Variants in ZMIZ1 observed in about 807,000 individuals in gnomAD.
ZMIZ1 encodes zinc finger MIZ-type containing 1.
A neutral mutation model predicts 113.9 loss-of-function variants in ZMIZ1; 17 were observed. The observed-to-expected ratio is 0.15, with a 90% CI of 0.10 to 0.22. The LOEUF (loss-of-function observed/expected upper bound fraction) is 0.22, where lower values mean the gene tolerates loss of function less well. Ranked by LOEUF, ZMIZ1 falls within the 10% of genes least tolerant of loss-of-function variation. The probability of loss-of-function intolerance (pLI) is 1.00; values close to 1 mark genes in which losing one functional copy is unlikely to be tolerated. For synonymous variants in ZMIZ1, 607 were observed against 603.1 expected, an observed-to-expected ratio of 1.01 and a Z score of -0.09; for missense variants, 1,059 against 1,477.8, an observed-to-expected ratio of 0.72 and a Z score of 4.65.
rs1421489711 is a variant in ZMIZ1, at chr10:79,124,975, C to T, written c.-227+5951C>T. Among the ~76,000 whole-genome samples, 4 of 152,316 alleles carry T rather than the reference C, an allele frequency of 2.6e-5. No individual in the cohort carries two copies. In the East Asian group the frequency reaches 7.7e-4, roughly 29 times the overall value. On this transcript the variant is annotated intron_variant, in intron 2 of 24. Transcript: ENST00000334512. ...AGGAGGGCTGGCCTCAGCTTGCAAG[C>T]TAGGGCAAGGGTGAGGTGTGGTCCA...
In ZMIZ1 at chr10:79,285,093, G is replaced by A. The variant is rs368167435; in HGVS notation, c.426-4682G>A. On this transcript the variant is annotated intron_variant, in intron 8 of 24. Transcript: ENST00000334512. The stretch of plus-strand genomic sequence containing the variant: ...TTGCCTCGTGGCCATCTCTGGAGAG[G>A]GGAGCGTTGCCTTGCTGGATCCTAA... 2.5e-3 allele frequency among the ~76,000 whole-genome samples: 387 copies of A among 152,296 alleles called. 2 individuals are homozygous for A. The highest frequency in any genetic ancestry group is 6.9e-3 in the Admixed American group (106 of 15,304).
At chr10:79,270,078 C>G (rs1564568145) in intron 7 of ZMIZ1, among the ~76,000 whole-genome samples, 1 of 152,232 alleles carries the variant, frequency 6.6e-6, no homozygotes, top group Non-Finnish European at 1.5e-5. Flanking sequence ...GCTACAGGTA[C>G]AGGGGCAAAT....
At chr10:79,161,574 C>T (rs1429024572) in intron 3 of ZMIZ1, among the ~76,000 whole-genome samples, 1 of 152,184 alleles carries the variant, frequency 6.6e-6, no homozygotes, top group Non-Finnish European at 1.5e-5. Flanking sequence ...AGAGAGGCCA[C>T]CTGGGACCTT....
chr10:79,221,363 GGCCCTGGACGCCCA>G (rs1245502322), intron 7 of ZMIZ1, among the ~76,000 whole-genome samples: 2 of 152,196 alleles, frequency 1.3e-5, no homozygotes, highest in African/African-American at 4.8e-5. Flanking sequence ...GGCTCCACGC[GGCCCTGGACGCCCA>G]GCCCCCAGCT....
intron 18 of ZMIZ1, among the ~76,000 whole-genome samples, chr10:79,303,010 C>G (rs947589019): frequency 6.6e-6 from 1 of 151,932 alleles, no homozygotes. Flanking sequence ...TACAGGCGCC[C>G]ACCACCGCAC....
At position 79,293,445 on chromosome 10, in the gene ZMIZ1, C is replaced by T; in HGVS notation, c.1022C>T (p.Ser341Phe). 1 of 1,539,304 alleles carries T rather than the reference C, an allele frequency of 6.5e-7. No homozygotes were observed. The highest frequency in any genetic ancestry group is 8.7e-7 in the Non-Finnish European group (1 of 1,142,930). The change falls in exon 12 of 25, where the codon TCC (serine) becomes TTC (phenylalanine). Residue 341 changes from serine to phenylalanine, a missense_variant. Coordinates refer to ENST00000334512, the MANE Select transcript of ZMIZ1 (RefSeq NM_020338.4). ...CAGCCCGGGCCGCGGGGGCCTGCCTCCATGGGGGGCAGCATGAACCCCGCG... is the reference window on the plus strand; with the variant it reads ...CAGCCCGGGCCGCGGGGGCCTGCCTTCATGGGGGGCAGCATGAACCCCGCG... ...MNQPGPRGPA[S>F]MGGSMNPASM...
intron 4 of ZMIZ1, among the ~76,000 whole-genome samples, chr10:79,192,335 T>G (rs1006796158): frequency 3.0e-4 from 45 of 152,228 alleles, no homozygotes; most frequent in African/African-American, 1.0e-3. Flanking sequence ...CCAGGGCAGG[T>G]TGCTAGGCAT....
At chr10:79,159,599 C>T (rs540045909) in intron 3 of ZMIZ1, among the ~76,000 whole-genome samples, 3 of 152,208 alleles carry the variant, frequency 2.0e-5, no homozygotes, top group African/African-American at 4.8e-5. Flanking sequence ...CTCTTGGCCT[C>T]GTGTGGAAAT....
At chr10:79,276,879 C>T (rs898851674) in intron 7 of ZMIZ1, among the ~76,000 whole-genome samples, 2 of 152,150 alleles carry the variant, frequency 1.3e-5, no homozygotes, top group Non-Finnish European at 2.9e-5. Context: ...CTCTGCCACC[C>T]TTCCCATCAT....
Position 79,196,588 on chromosome 10 carries a change from G to A in ZMIZ1, c.-49-4996G>A, listed in dbSNP as rs1267848095. Among the ~76,000 whole-genome samples, 3 of 152,142 alleles carry A rather than the reference G, an allele frequency of 2.0e-5. No homozygotes were observed. In the East Asian group the frequency reaches 5.8e-4, roughly 29 times the overall value. ...CTGCCCGTGACCCCACGTGGGGCCA[G>A]CCCGAAGGTGGACAGTCCCATCTCC... On this transcript the variant is annotated intron_variant, in intron 4 of 24. Coordinates refer to ENST00000334512, the MANE Select transcript of ZMIZ1 (RefSeq NM_020338.4).
At chr10:79,129,727 C>T (rs979392215) in intron 2 of ZMIZ1, among the ~76,000 whole-genome samples, 5 of 152,186 alleles carry the variant, frequency 3.3e-5, no homozygotes, top group African/African-American at 7.2e-5. Flanking sequence ...TTTCTGGAGA[C>T]GTTCAGGAAA....
intron 7 of ZMIZ1, among the ~76,000 whole-genome samples, chr10:79,270,140 A>G (rs546651004): frequency 6.6e-5 from 10 of 152,370 alleles, no homozygotes; most frequent in Admixed American, 3.9e-4. Context: ...AGCCAGGACC[A>G]GCTGCCCCGG....
chr10:79,161,189 C>T (rs148286471), intron 3 of ZMIZ1, among the ~76,000 whole-genome samples: 255 of 152,326 alleles, frequency 1.7e-3, no homozygotes, highest in Non-Finnish European at 3.1e-3. Context: ...CTGCCCCGAG[C>T]ACCACTGTCT....
intron 7 of ZMIZ1, among the ~76,000 whole-genome samples, chr10:79,260,289 G>C (rs995808617): frequency 1.3e-5 from 2 of 152,254 alleles, no homozygotes; most frequent in Admixed American, 6.5e-5. Flanking sequence ...TTCCAGCATG[G>C]AGGGAGGGGA....
At chr10:79,166,069 G>C (rs765745336) in intron 4 of ZMIZ1, among the ~76,000 whole-genome samples, 6 of 149,378 alleles carry the variant, frequency 4.0e-5, no homozygotes, top group Non-Finnish European at 8.9e-5. Context: ...CCCCGTGGCT[G>C]TCTGTCCTCA....
chr10:79,280,447 T>C (rs560995247), intron 8 of ZMIZ1, among the ~76,000 whole-genome samples: 3 of 151,200 alleles, frequency 2.0e-5, no homozygotes, highest in African/African-American at 7.3e-5. Context: ...GCTATTTCTT[T>C]ATAGTTTTGT....
intron 1 of ZMIZ1, among the ~76,000 whole-genome samples, chr10:79,091,926 A>G (rs538784890): frequency 1.3e-5 from 2 of 152,136 alleles, no homozygotes; most frequent in African/African-American, 4.8e-5. Context: ...CCTGGGTTGG[A>G]GGAGACCTGA....
At position 79,313,760 on chromosome 10, in the gene ZMIZ1, G is replaced by GT. The variant is rs1417287577; in HGVS notation, c.*1016dup. On this transcript the variant is annotated 3_prime_UTR_variant, in exon 25 of 25. Coordinates refer to ENST00000334512, the MANE Select transcript of ZMIZ1 (RefSeq NM_020338.4). ...CAAACCATTTCTCTCCGTCTGTTCTGTTTTTCTCCTAGTCCCTCTCCTGCC... is the reference window on the plus strand; with the variant it reads ...CAAACCATTTCTCTCCGTCTGTTCTGTTTTTTCTCCTAGTCCCTCTCCTGCC... 9.2e-6 allele frequency: 3 copies of GT among 327,824 alleles called. No homozygotes were observed. Among genetic ancestry groups the GT allele is most frequent in the Non-Finnish European group, 1.8e-5 (3 of 165,488 alleles). 20.3% of individuals were successfully genotyped at this position (327,824 alleles called of 1,614,324 possible). A position where few individuals can be genotyped will look rare whatever the true frequency, so the allele number is the denominator to read the frequency against.
Position 79,230,716 on chromosome 10 carries a change from C to G in ZMIZ1, c.280+14442C>G, listed in dbSNP as rs574036732. Among the ~76,000 whole-genome samples, 182 of 152,316 alleles carry G rather than the reference C, an allele frequency of 1.2e-3. 1 individual carries two copies. Among genetic ancestry groups the G allele is most frequent in the Non-Finnish European group, 2.1e-3 (141 of 68,032 alleles). The stretch of plus-strand genomic sequence containing the variant: ...CCAGCACTCTGAAGCATGCTGGATG[C>G]GGTGGAGGTGGTGCCTGTGCTTGAT... On this transcript the variant is annotated intron_variant, in intron 7 of 24. Coordinates refer to ENST00000334512, the MANE Select transcript of ZMIZ1 (RefSeq NM_020338.4).
Sources: allele counts gnomAD v4.1 joint callset (sites outside exome capture counted in the v4.1 genomes callset), GRCh38; gene constraint gnomAD v4.1.1; transcripts MANE v1.5; gene names NCBI Gene and HGNC (gene_info 2026-07-23, HGNC 2026-07-21).